Variants in MECOM observed in about 807,000 individuals in gnomAD.
MECOM encodes the protein histone-lysine N-methyltransferase MECOM.
A neutral mutation model predicts 116.3 loss-of-function variants in MECOM; 13 were observed. The observed-to-expected ratio is 0.11, with a 90% CI of 0.07 to 0.18. The LOEUF is 0.18. Among genes scored for constraint, MECOM ranks in the 10% least tolerant of loss-of-function variants. The pLI, the probability that MECOM is intolerant of heterozygous loss-of-function variation, is 1.00. For missense variants in MECOM, 1,299 were observed against 1,509.0 expected (o/e 0.86, Z 2.31); for synonymous variants, 528 against 535.2 (o/e 0.99, Z 0.19).
intron 2 of MECOM, among the ~76,000 whole-genome samples, chr3:169,374,542 G>A (rs1730692306): frequency 6.6e-6 from 1 of 151,914 alleles, no homozygotes; most frequent in Non-Finnish European, 1.5e-5. Flanking sequence ...TAAATAATCT[G>A]GATACTACAC....
intron 2 of MECOM, among the ~76,000 whole-genome samples, chr3:169,262,881 A>T (rs969663900): frequency 2.0e-5 from 3 of 151,540 alleles, no homozygotes; most frequent in Non-Finnish European, 4.4e-5. Flanking sequence ...AGTTACATTA[A>T]AGATGCCCCA....
intron 2 of MECOM, among the ~76,000 whole-genome samples, chr3:169,269,967 G>GGTGT (rs72249209): frequency 7.6e-4 from 114 of 149,200 alleles, no homozygotes; most frequent in Middle Eastern, 6.8e-3. Flanking sequence ...CGTATATAAA[G>GGTGT]GTGTGTGTGT....
chr3:169,223,673 G>A (rs1459293788), intron 2 of MECOM, among the ~76,000 whole-genome samples: 2 of 152,082 alleles, frequency 1.3e-5, no homozygotes, highest in African/African-American at 2.4e-5. Flanking sequence ...CTACTTTAAT[G>A]TAAAAAGAAT....
intron 1 of MECOM, among the ~76,000 whole-genome samples, chr3:169,498,858 A>G (rs1281116760): frequency 7.2e-5 from 11 of 152,176 alleles, no homozygotes; most frequent in Non-Finnish European, 7.4e-5. Context: ...GAGCATTAGC[A>G]TCAGTGAAAC....
chr3:169,123,400 G>T (rs1042514826), intron 5 of MECOM, among the ~76,000 whole-genome samples: 9 of 151,106 alleles, frequency 6.0e-5, no homozygotes, highest in Admixed American at 2.0e-4. Context: ...ATTTTAAGTG[G>T]ATGCAACATT....
At chr3:169,252,403 A>G (rs1627507) in intron 2 of MECOM, among the ~76,000 whole-genome samples, 2 of 151,292 alleles carry the variant, frequency 1.3e-5, no homozygotes, top group African/African-American at 4.8e-5. Context: ...AGGTTAGAAA[A>G]CGGAGATTTA....
chr3:169,119,036 G>A (rs887095266), intron 7 of MECOM, among the ~76,000 whole-genome samples: 1 of 152,188 alleles, frequency 6.6e-6, no homozygotes, highest in Non-Finnish European at 1.5e-5. Flanking sequence ...AACAAATTAA[G>A]AGGCATTTTG....
chr3:169,094,823 A>G (rs1720972284), intron 13 of MECOM, among the ~76,000 whole-genome samples: 1 of 152,202 alleles, frequency 6.6e-6, no homozygotes, highest in South Asian at 2.1e-4. Flanking sequence ...AGTTTAGGTC[A>G]TTGTCCTCTT....
At chr3:169,638,097 C>A (rs1011164926) in intron 1 of MECOM, among the ~76,000 whole-genome samples, 4 of 152,304 alleles carry the variant, frequency 2.6e-5, no homozygotes, top group Middle Eastern at 3.4e-3. Flanking sequence ...ATACAAGTTG[C>A]AAGGCTTGAT....
At chr3:169,545,473 C>A (rs575048045) in intron 1 of MECOM, among the ~76,000 whole-genome samples, 1 of 152,036 alleles carries the variant, frequency 6.6e-6, no homozygotes, top group South Asian at 2.1e-4. Flanking sequence ...AAGGACTGAG[C>A]AATAAAAAAT....
At chr3:169,280,437 TC>T (rs1466935675) in intron 2 of MECOM, among the ~76,000 whole-genome samples, 1 of 152,190 alleles carries the variant, frequency 6.6e-6, no homozygotes, top group Non-Finnish European at 1.5e-5. Context: ...AAGGAACATT[TC>T]CTGCTATCTC....
intron 1 of MECOM, among the ~76,000 whole-genome samples, chr3:169,564,729 G>A (rs1763024037): frequency 1.3e-5 from 2 of 152,284 alleles, no homozygotes; most frequent in South Asian, 4.1e-4. Flanking sequence ...AACACTAAAA[G>A]GTTTCATGTA....
intron 1 of MECOM, among the ~76,000 whole-genome samples, chr3:169,604,060 CGAAAATTTCCCTTAGA>C (rs1424053545): frequency 3.9e-5 from 6 of 151,944 alleles, no homozygotes; most frequent in Non-Finnish European, 8.8e-5. Context: ...TTTCTCTAAG[CGAAAATTTCCCTTAGA>C]GAAAGAAAAA....
chr3:169,262,669 C>T (rs545936574), intron 2 of MECOM, among the ~76,000 whole-genome samples: 1 of 152,056 alleles, frequency 6.6e-6, no homozygotes, highest in African/African-American at 2.4e-5. Context: ...CACAAGAAAA[C>T]CTGGGTCCTC....
At chr3:169,634,873 C>CA (rs1450658780) in intron 1 of MECOM, among the ~76,000 whole-genome samples, 2 of 151,992 alleles carry the variant, frequency 1.3e-5, no homozygotes, top group Non-Finnish European at 2.9e-5. Flanking sequence ...CCTCAAAATC[C>CA]AAAAAGTAAA....
chr3:169,188,513 G>A (rs561564549), intron 2 of MECOM, among the ~76,000 whole-genome samples: 3 of 152,138 alleles, frequency 2.0e-5, no homozygotes, highest in African/African-American at 4.8e-5. Flanking sequence ...ACAGGTCTTT[G>A]TCTTAATATG....
At chr3:169,177,941 A>C (rs1208571228) in intron 2 of MECOM, among the ~76,000 whole-genome samples, 1 of 152,002 alleles carries the variant, frequency 6.6e-6, no homozygotes, top group East Asian at 1.9e-4. Context: ...GGAGAAAAAA[A>C]CAAAAAAGAG....
rs187899700 is a variant in MECOM, at chr3:169,583,924, A to G, written c.37+79412T>C. Among the ~76,000 whole-genome samples the G allele has an allele frequency of 4.4e-3, 663 of 152,284 alleles. 4 individuals are homozygous for G. Among genetic ancestry groups the G allele is most frequent in the African/African-American group, 0.015 (629 of 41,576 alleles). ...CCAGCCAGTAAATATTTTAAAATCAATTATTTGAGAAATATTTACCGTAGC... is the reference window on the plus strand; with the variant it reads ...CCAGCCAGTAAATATTTTAAAATCAGTTATTTGAGAAATATTTACCGTAGC... On this transcript the variant is annotated intron_variant, in intron 1 of 16. Transcript: ENST00000651503.
In MECOM at chr3:169,386,612, G is replaced by A. The variant is rs571295741; in HGVS notation, c.38-5088C>T. Among the ~76,000 whole-genome samples, 13 of 151,992 alleles carry A rather than the reference G, an allele frequency of 8.6e-5. 1 individual carries two copies. In the South Asian group the frequency reaches 1.2e-3, roughly 15 times the overall value. ...ATTGCTTTATAATATTCCATTATAG[G>A]AATCCACAACAGCTGAACTACTTCC... is the stretch of plus-strand genomic sequence containing the variant. On this transcript the variant is annotated intron_variant, in intron 1 of 16. Coordinates refer to ENST00000651503, the MANE Select transcript of MECOM (RefSeq NM_004991.4).
Sources: gnomAD v4.1 joint callset for allele counts (sites outside exome capture counted in the v4.1 genomes callset) on GRCh38, gnomAD v4.1.1 for gene constraint, MANE v1.5 for transcripts, NCBI Gene and HGNC (gene_info 2026-07-23, HGNC 2026-07-21) for gene names.